ATP13A4: variants seen among roughly 807,000 people sequenced by gnomAD.
ATP13A4 encodes ATPase 13A4.
In ATP13A4, 114 loss-of-function variants were observed where a neutral mutation model predicts 142.5. The ratio of observed to expected loss-of-function variants is 0.80; its 90% confidence interval spans 0.69 to 0.93. The LOEUF (loss-of-function observed/expected upper bound fraction) is 0.93, where lower values mean the gene tolerates loss of function less well. Among genes scored for constraint, ATP13A4 ranks in the 40% least tolerant of loss-of-function variants. ATP13A4 has a pLI of 0.00. For synonymous variants in ATP13A4, 488 were observed against 514.8 expected, an observed-to-expected ratio of 0.95 and a Z score of 0.70; for missense variants, 1,392 against 1,454.0, an observed-to-expected ratio of 0.96 and a Z score of 0.69.
upstream of ATP13A4, among the ~76,000 whole-genome samples, chr3:193,558,988 C>T (rs1036567489): frequency 3.3e-5 from 5 of 152,184 alleles, no homozygotes; most frequent in African/African-American, 1.2e-4. Context: ...AGTTCTCAAC[C>T]TCTGTGATTG....
chr3:193,580,414 T>C (rs1033612333), intron 2 of ATP13A4, among the ~76,000 whole-genome samples: 4 of 151,946 alleles, frequency 2.6e-5, no homozygotes, highest in African/African-American at 4.8e-5. Context: ...CCATACAAAG[T>C]ATGAGAGAGA....
chr3:193,446,576 T>C (rs891474844), intron 18 of ATP13A4, among the ~76,000 whole-genome samples: 2 of 152,248 alleles, frequency 1.3e-5, no homozygotes, highest in Non-Finnish European at 2.9e-5. Context: ...GATTCAGTTA[T>C]ATAAACCAAT....
rs182624490 is a variant in ATP13A4, at chr3:193,478,564, G to A, written c.808+5372C>T. 6.6e-5 allele frequency among the ~76,000 whole-genome samples: 10 copies of A among 151,534 alleles called. 1 individual carries two copies. The highest frequency in any genetic ancestry group is 2.4e-4 in the African/African-American group (10 of 41,044). The stretch of plus-strand genomic sequence containing the variant: ...TTCCTGGAAATATACAACCCTCCTA[G>A]GCTAAACCAGGAAAAATGTGAACAG... On this transcript the variant is annotated intron_variant, in intron 8 of 29. Coordinates refer to ENST00000342695, the MANE Select transcript of ATP13A4 (RefSeq NM_032279.4).
chr3:193,515,962 T>C (rs961920225), intron 1 of ATP13A4, among the ~76,000 whole-genome samples: 1 of 152,226 alleles, frequency 6.6e-6, no homozygotes, highest in Non-Finnish European at 1.5e-5. Context: ...CAGTTTGTCT[T>C]CCATAAAATG....
At chr3:193,473,127 GTATAA>G (rs1353241929) in intron 8 of ATP13A4, among the ~76,000 whole-genome samples, 1 of 152,194 alleles carries the variant, frequency 6.6e-6, no homozygotes, top group Non-Finnish European at 1.5e-5. Context: ...GCCAAGAAAA[GTATAA>G]TATAAGCTAG....
intron 2 of ATP13A4, among the ~76,000 whole-genome samples, chr3:193,574,245 T>A (rs977362146): frequency 6.6e-6 from 1 of 152,230 alleles, no homozygotes; most frequent in East Asian, 1.9e-4. Flanking sequence ...CCACCCGTAG[T>A]GAAGGAAGGA....
chr3:193,542,454 T>C lies in ATP13A4; in HGVS notation c.60+12286A>G, dbSNP rs190070690. ...ATTAAACTGCCATTGACATTCTTCA[T>C]AGAATTAGAAAAAAACTACTTTAAA... On this transcript the variant is annotated intron_variant, in intron 1 of 29. Coordinates refer to ENST00000342695, the MANE Select transcript of ATP13A4 (RefSeq NM_032279.4). Among the ~76,000 whole-genome samples, 824 of 151,844 alleles carry C rather than the reference T, an allele frequency of 5.4e-3. 14 individuals are homozygous for C. The highest frequency in any genetic ancestry group is 0.019 in the African/African-American group (781 of 41,410).
chr3:193,582,155 T>C (rs1285798468), intron 1 of ATP13A4, among the ~76,000 whole-genome samples: 5 of 148,852 alleles, frequency 3.4e-5, no homozygotes, highest in African/African-American at 1.2e-4. Flanking sequence ...TTTTCTTTTT[T>C]TTTTTTTTTT....
intron 5 of ATP13A4, among the ~76,000 whole-genome samples, chr3:193,492,298 C>G (rs868232225): frequency 6.6e-6 from 1 of 152,072 alleles, no homozygotes; most frequent in Non-Finnish European, 1.5e-5. Flanking sequence ...TTTAAAGAGT[C>G]CTTCTACCCA....
At chr3:193,469,865 C>T (rs954653072) in intron 9 of ATP13A4, among the ~76,000 whole-genome samples, 7 of 152,322 alleles carry the variant, frequency 4.6e-5, no homozygotes, top group Non-Finnish European at 1.0e-4. Flanking sequence ...ATTAAGGCTA[C>T]TTTCATTAGG....
chr3:193,433,037 T>C (rs1022029053), intron 25 of ATP13A4, among the ~76,000 whole-genome samples: 1 of 152,204 alleles, frequency 6.6e-6, no homozygotes, highest in African/African-American at 2.4e-5. Context: ...GCCAAACTCT[T>C]GTGTCCATAA....
intron 1 of ATP13A4, among the ~76,000 whole-genome samples, chr3:193,583,742 A>G (rs7634678): frequency 0.52 from 79,360 of 151,884 alleles, 21,463 homozygotes; most frequent in African/African-American, 0.65. Flanking sequence ...AGCAATAAAA[A>G]TAAGTAAAGG....
In ATP13A4 at chr3:193,400,897, T is replaced by C. The variant is rs1336971095; in HGVS notation, c.*1755A>G. Among the ~76,000 whole-genome samples the C allele has an allele frequency of 6.6e-6, 1 of 152,228 alleles. No homozygotes were observed. The highest frequency in any genetic ancestry group is 1.5e-5 in the Non-Finnish European group (1 of 68,044). On this transcript the variant is annotated 3_prime_UTR_variant, in exon 30 of 30. Transcript: ENST00000342695. ...ACTTTTAGAGAAGGACATTCAGAAC[T>C]GCCATATCATTGCTGAGGCTGGCTT...
At chr3:193,542,335 A>G (rs1722974810) in intron 1 of ATP13A4, among the ~76,000 whole-genome samples, 2 of 152,208 alleles carry the variant, frequency 1.3e-5, no homozygotes, top group African/African-American at 4.8e-5. Context: ...ACACAAACAA[A>G]TGGAAAAACA....
chr3:193,572,092 A>G (rs1724279105), intron 2 of ATP13A4, among the ~76,000 whole-genome samples: 1 of 152,126 alleles, frequency 6.6e-6, no homozygotes, highest in Non-Finnish European at 1.5e-5. Context: ...CAAAACATAC[A>G]AAATAATAAT....
At chr3:193,551,199 G>A (rs1288027660) in intron 1 of ATP13A4, among the ~76,000 whole-genome samples, 1 of 152,100 alleles carries the variant, frequency 6.6e-6, no homozygotes, top group East Asian at 1.9e-4. Flanking sequence ...GGATCACAAG[G>A]TCAAGAGATT....
At chr3:193,515,700 C>A (rs746304140) in intron 1 of ATP13A4, among the ~76,000 whole-genome samples, 6 of 152,144 alleles carry the variant, frequency 3.9e-5, no homozygotes, top group Non-Finnish European at 2.9e-5. Context: ...TCTAGACAAA[C>A]GTCTTCCTTC....
chr3:193,554,931 C>T (rs1723824222), upstream of ATP13A4: 1 of 1,600,340 alleles, frequency 6.2e-7, no homozygotes, highest in Non-Finnish European at 8.5e-7. Flanking sequence ...AAAACTCCTC[C>T]TTGAGCACAC....
Position 193,400,429 on chromosome 3 carries a change from T to C in ATP13A4, c.*2223A>G, listed in dbSNP as rs1204176381. Among the ~76,000 whole-genome samples, 1 of 152,224 alleles carries C rather than the reference T, an allele frequency of 6.6e-6. No individual in the cohort carries two copies. The highest frequency in any genetic ancestry group is 6.5e-5 in the Admixed American group (1 of 15,286). ...CAATCATTTTTTTGTTTTGTTTTGT[T>C]TTGTTTTTAATACACCTCTAGCCCA... is the stretch of plus-strand genomic sequence containing the variant. On this transcript the variant is annotated 3_prime_UTR_variant, in exon 30 of 30. Coordinates refer to ENST00000342695, the MANE Select transcript of ATP13A4 (RefSeq NM_032279.4).
Sources: allele counts gnomAD v4.1 joint callset (sites outside exome capture counted in the v4.1 genomes callset), GRCh38; gene constraint gnomAD v4.1.1; transcripts MANE v1.5; gene names NCBI Gene and HGNC (gene_info 2026-07-23, HGNC 2026-07-21).